Variants in MMP26 observed in about 807,000 individuals in gnomAD.
MMP26 encodes the protein matrix metallopeptidase 26, also known as matrix metalloproteinase-26.
Under a neutral mutation model 31.0 loss-of-function variants are expected in MMP26, and 33 were observed. That is an observed-to-expected ratio of 1.06 (90% CI 0.81 to 1.42). The LOEUF (loss-of-function observed/expected upper bound fraction) is 1.42. Ranked by LOEUF, MMP26 falls within the 40% of genes most tolerant of loss-of-function variation. The probability of loss-of-function intolerance (pLI) is 0.00; values close to 1 mark genes in which losing one functional copy is unlikely to be tolerated. For missense variants in MMP26, 347 were observed against 316.1 expected (o/e 1.10, Z -0.74); for synonymous variants, 122 against 114.9 (o/e 1.06, Z -0.40).
intron 2 of MMP26, chr11:4,955,081 G>C: frequency 6.9e-7 from 1 of 1,444,930 alleles, no homozygotes. Flanking sequence ...TGAGAATAAA[G>C]TCTACCATAA....
chr11:4,956,039 G>C (rs1326114250), intron 2 of MMP26, among the ~76,000 whole-genome samples: 1 of 152,158 alleles, frequency 6.6e-6, no homozygotes, highest in Non-Finnish European at 1.5e-5. Flanking sequence ...TGTAAAATAT[G>C]AGTAAATCCT....
chr11:4,738,410 T>C (rs1270111556), intron 1 of MMP26, among the ~76,000 whole-genome samples: 1 of 152,196 alleles, frequency 6.6e-6, no homozygotes, highest in African/African-American at 2.4e-5. Context: ...TGGTTAAGAC[T>C]GCCACCGTGA....
Position 4,848,729 on chromosome 11 carries a change from G to A in MMP26, c.-145+81388G>A, listed in dbSNP as rs140920607. ...ATGGCAGGGGCAGATGGAGACCCAG[G>A]CATCGAAAAGAAATGGCCAGGCTGA... On this transcript the variant is annotated intron_variant, in intron 2 of 7. Coordinates refer to ENST00000380390, the MANE Select transcript of MMP26 (RefSeq NM_021801.5). 2.5e-6 allele frequency: 4 copies of A among 1,613,906 alleles called. No homozygotes were observed. The African/African-American group carries it at 5.3e-5, about 22-fold the overall frequency.
At position 4,953,979 on chromosome 11, in the gene MMP26, G is replaced by T. The variant is rs142006655; in HGVS notation, c.-144-34089G>T. Among the ~76,000 whole-genome samples, 843 of 125,762 alleles carry T rather than the reference G, an allele frequency of 6.7e-3. 165 individuals are homozygous for T. The highest frequency in any genetic ancestry group is 0.022 in the African/African-American group (817 of 36,946). 82.5% of individuals were successfully genotyped at this position (125,762 alleles called of 152,430 possible). A position where few individuals can be genotyped will look rare whatever the true frequency, so the allele number is the denominator to read the frequency against. On this transcript the variant is annotated intron_variant, in intron 2 of 7. Transcript: ENST00000380390. ...AGAGGCAAGAGAATCGCTTGAACCT[G>T]GGAGGCGGAGGTTGCAGTGAGCAGA...
intron 2 of MMP26, among the ~76,000 whole-genome samples, chr11:4,784,514 A>G (rs1419225346): frequency 1.3e-5 from 2 of 152,216 alleles, no homozygotes; most frequent in East Asian, 3.8e-4. Context: ...TCCAATGACG[A>G]TTGTCCTTTT....
At chr11:4,969,321 G>T (rs566728941) in intron 2 of MMP26, among the ~76,000 whole-genome samples, 1 of 152,034 alleles carries the variant, frequency 6.6e-6, no homozygotes, top group South Asian at 2.1e-4. Flanking sequence ...TTAAACTTAT[G>T]CTTAGTAATG....
chr11:4,860,196 G>C (rs1392973301), intron 2 of MMP26: 1 of 470,924 alleles, frequency 2.1e-6, no homozygotes, highest in African/African-American at 2.0e-5. Context: ...CCACAAATCT[G>C]TCAAAGGCCA....
chr11:4,960,287 TC>T (rs1846502961), intron 2 of MMP26, among the ~76,000 whole-genome samples: 1 of 151,940 alleles, frequency 6.6e-6, no homozygotes, highest in Admixed American at 6.6e-5. Context: ...ACCACTAGTA[TC>T]AATGGAGCTC....
At chr11:4,724,333 A>T (rs7110773) in intron 1 of MMP26, among the ~76,000 whole-genome samples, 19,219 of 152,162 alleles carry the variant, frequency 0.13, 1,350 homozygotes, top group Middle Eastern at 0.25. Context: ...CAGAAGTGGA[A>T]GATGGGGTGG....
chr11:4,853,547 T>G (rs779115823), intron 2 of MMP26, among the ~76,000 whole-genome samples: 2 of 152,122 alleles, frequency 1.3e-5, no homozygotes, highest in Non-Finnish European at 2.9e-5. Flanking sequence ...AGACAATTAG[T>G]TGAAATTTTT....
chr11:4,899,005 C>T (rs183894583), intron 2 of MMP26, among the ~76,000 whole-genome samples: 1 of 152,248 alleles, frequency 6.6e-6, no homozygotes, highest in Non-Finnish European at 1.5e-5. Flanking sequence ...TGGAACAACC[C>T]TTCAGGATTA....
intron 2 of MMP26, among the ~76,000 whole-genome samples, chr11:4,967,117 T>G (rs563889961): frequency 6.6e-6 from 1 of 152,200 alleles, no homozygotes; most frequent in Admixed American, 6.5e-5. Flanking sequence ...GAAAGGATAG[T>G]TTTATTCTCA....
intron 2 of MMP26, among the ~76,000 whole-genome samples, chr11:4,987,508 T>C (rs1355514912): frequency 6.6e-6 from 1 of 152,058 alleles, no homozygotes; most frequent in Non-Finnish European, 1.5e-5. Flanking sequence ...AAGCTCCGCC[T>C]CCCGGGTTCA....
intron 2 of MMP26, among the ~76,000 whole-genome samples, chr11:4,853,251 G>T (rs747232390): frequency 3.9e-5 from 6 of 152,068 alleles, no homozygotes; most frequent in Admixed American, 3.9e-4. Flanking sequence ...ACATACAAGG[G>T]TAACTATGTG....
intron 1 of MMP26, chr11:4,756,887 T>G (rs974125113): frequency 7.2e-5 from 11 of 151,926 alleles, no homozygotes; most frequent in Admixed American, 5.2e-4. Context: ...TGTAAATAAG[T>G]GAAGAGACAT....
intron 2 of MMP26, among the ~76,000 whole-genome samples, chr11:4,911,637 TC>T (rs58159813): frequency 0.01 from 1,525 of 152,260 alleles, 28 homozygotes; most frequent in African/African-American, 0.035. Flanking sequence ...TCTGCAATGT[TC>T]TTCCCTCAAG....
At chr11:4,865,607 T>C (rs765617071) in intron 2 of MMP26, among the ~76,000 whole-genome samples, 24 of 151,504 alleles carry the variant, frequency 1.6e-4, no homozygotes, top group Non-Finnish European at 2.5e-4. Flanking sequence ...TCCTCCTCCT[T>C]CTTCTTATTT....
At chr11:4,804,980 A>C (rs1849247280) in intron 2 of MMP26, among the ~76,000 whole-genome samples, 1 of 152,024 alleles carries the variant, frequency 6.6e-6, no homozygotes, top group African/African-American at 2.4e-5. Flanking sequence ...AAAAAAAAAA[A>C]AAAAATGAAT....
intron 1 of MMP26, among the ~76,000 whole-genome samples, chr11:4,754,119 T>C (rs1258737455): frequency 6.7e-6 from 1 of 150,172 alleles, no homozygotes; most frequent in Non-Finnish European, 1.5e-5. Context: ...TTTTTACAGA[T>C]GCATAAACTA....
Sources: allele counts gnomAD v4.1 joint callset (sites outside exome capture counted in the v4.1 genomes callset), GRCh38; gene constraint gnomAD v4.1.1; transcripts MANE v1.5; gene names NCBI Gene and HGNC (gene_info 2026-07-23, HGNC 2026-07-21).